Variants in GALNT14 observed in about 807,000 individuals in gnomAD.
GALNT14 encodes the protein UDP-GalNAc:polypeptide N-acetylgalactosaminyltransferase 14.
A neutral mutation model predicts 77.5 loss-of-function variants in GALNT14; 60 were observed. That is an observed-to-expected ratio of 0.77 (90% CI 0.63 to 0.96). The LOEUF is 0.96. Among genes scored for constraint, GALNT14 ranks in the 40% least tolerant of loss-of-function variants. The pLI, the probability that GALNT14 is intolerant of heterozygous loss-of-function variation, is 0.00. For synonymous variants in GALNT14, 280 were observed against 281.7 expected (o/e 0.99, Z 0.06); for missense variants, 710 against 731.0 (o/e 0.97, Z 0.33).
At chr2:31,016,895 A>G (rs1169112613) in intron 1 of GALNT14, among the ~76,000 whole-genome samples, 1 of 152,232 alleles carries the variant, frequency 6.6e-6, no homozygotes, top group African/African-American at 2.4e-5. Flanking sequence ...AGCTTAGGAT[A>G]GTGCCTGGCA....
Position 31,049,052 on chromosome 2 carries a change from C to G in GALNT14, c.130-56045G>C, listed in dbSNP as rs550296649. Among the ~76,000 whole-genome samples the G allele has an allele frequency of 3.3e-5, 5 of 152,330 alleles. No individual in the cohort carries two copies. The South Asian group carries it at 1.0e-3, about 32-fold the overall frequency. On this transcript the variant is annotated intron_variant, in intron 1 of 14. Coordinates refer to ENST00000349752, the MANE Select transcript of GALNT14 (RefSeq NM_024572.4). ...AGAGCATGTTGCCTTCAGAAACCTC[C>G]CTTTCTTGCCTTGCAAGTCCCTCGA...
intron 1 of GALNT14, among the ~76,000 whole-genome samples, chr2:31,030,520 C>T (rs559459909): frequency 5.9e-5 from 9 of 152,302 alleles, no homozygotes; most frequent in African/African-American, 1.7e-4. Flanking sequence ...GACTGTCACG[C>T]ATGGTCTCAG....
intron 1 of GALNT14, among the ~76,000 whole-genome samples, chr2:31,006,588 G>T (rs1242809015): frequency 6.6e-6 from 1 of 152,220 alleles, no homozygotes; most frequent in South Asian, 2.1e-4. Flanking sequence ...TCCCTGCCAT[G>T]ATAGGGGATC....
In GALNT14 at chr2:30,915,053, T is replaced by A. The variant is rs374913566; in HGVS notation, c.1381-2711A>T. Reference sequence around the variant, plus strand: ...CACAAATTAGTATTTCAAAAATGAATCCTGCCATTATCTTACAATCACCAT... The same window carrying A: ...CACAAATTAGTATTTCAAAAATGAAACCTGCCATTATCTTACAATCACCAT... On this transcript the variant is annotated intron_variant, in intron 13 of 14. Coordinates refer to ENST00000349752, the MANE Select transcript of GALNT14 (RefSeq NM_024572.4). Among the ~76,000 whole-genome samples the A allele has an allele frequency of 6.6e-5, 10 of 152,348 alleles. 1 individual carries two copies. Among genetic ancestry groups the A allele is most frequent in the Admixed American group, 6.5e-4 (10 of 15,306 alleles).
intron 1 of GALNT14, among the ~76,000 whole-genome samples, chr2:31,070,212 C>A (rs1462691391): frequency 6.6e-6 from 1 of 152,226 alleles, no homozygotes; most frequent in Non-Finnish European, 1.5e-5. Context: ...ACCATCTACT[C>A]ATTCACAAAG....
At chr2:31,013,183 A>G (rs1671145217) in intron 1 of GALNT14, among the ~76,000 whole-genome samples, 1 of 152,236 alleles carries the variant, frequency 6.6e-6, no homozygotes, top group South Asian at 2.1e-4. Context: ...AATGTATAGA[A>G]AGAGCAAAGG....
intron 14 of GALNT14, 79 bp from the exon 15 acceptor site, chr2:30,911,138 T>C: frequency 7.2e-7 from 1 of 1,388,900 alleles, no homozygotes; most frequent in South Asian, 1.3e-5. Flanking sequence ...GAAAGGTAGG[T>C]GCCTCATGTC....
At chr2:30,993,502 C>T (rs1355314707) in intron 1 of GALNT14, among the ~76,000 whole-genome samples, 2 of 152,202 alleles carry the variant, frequency 1.3e-5, no homozygotes, top group Non-Finnish European at 2.9e-5. Flanking sequence ...GACTGTCATT[C>T]CTCCTCTGCT....
chr2:30,896,292 A>G, the GALNT14 span, among the ~76,000 whole-genome samples: 1 of 152,206 alleles, frequency 6.6e-6, no homozygotes, highest in Non-Finnish European at 1.5e-5. Context: ...TGTTTTCCAC[A>G]AGGGACTTCA....
At chr2:30,951,578 A>G (rs1184851556) in intron 6 of GALNT14, among the ~76,000 whole-genome samples, 2 of 152,364 alleles carry the variant, frequency 1.3e-5, no homozygotes, top group African/African-American at 2.4e-5. Context: ...AAATCATTCA[A>G]TTGCCCACTT....
intron 1 of GALNT14, among the ~76,000 whole-genome samples, chr2:31,011,875 C>T (rs963038893): frequency 1.3e-5 from 2 of 152,190 alleles, no homozygotes; most frequent in African/African-American, 4.8e-5. Flanking sequence ...TCTGGACGTG[C>T]CGCCTGGCTC....
chr2:31,041,639 T>C (rs1673100104), intron 1 of GALNT14, among the ~76,000 whole-genome samples: 1 of 152,116 alleles, frequency 6.6e-6, no homozygotes, highest in African/African-American at 2.4e-5. Context: ...GCATTCATAT[T>C]GTGAACTATA....
intron 1 of GALNT14, among the ~76,000 whole-genome samples, chr2:31,101,465 G>GCTTACCTATTT (rs141057579): frequency 0.073 from 11,073 of 151,824 alleles, 771 homozygotes; most frequent in African/African-American, 0.17. Context: ...TTTCTTTGAA[G>GCTTACCTATTT]AATGTATACC....
chr2:31,079,886 C>A (rs79416200), intron 1 of GALNT14, among the ~76,000 whole-genome samples: 3,343 of 152,248 alleles, frequency 0.022, 52 homozygotes, highest in African/African-American at 0.04. Context: ...GGCACCGGAC[C>A]CTCCTGCTGC....
chr2:31,040,082 C>G (rs1673007929), intron 1 of GALNT14, among the ~76,000 whole-genome samples: 3 of 152,124 alleles, frequency 2.0e-5, no homozygotes, highest in Admixed American at 2.0e-4. Flanking sequence ...CCAAAACTAT[C>G]CACACTTTTT....
chr2:30,974,306 T>C (rs1353440349), intron 2 of GALNT14, among the ~76,000 whole-genome samples: 2 of 152,274 alleles, frequency 1.3e-5, no homozygotes, highest in African/African-American at 2.4e-5. Context: ...CTGTCTTTTC[T>C]AGATTACTGC....
intron 1 of GALNT14, among the ~76,000 whole-genome samples, chr2:31,087,536 A>AGAGG (rs1160670621): frequency 1.4e-4 from 21 of 150,086 alleles, no homozygotes; most frequent in South Asian, 2.1e-4. Flanking sequence ...CGAGGAGAGG[A>AGAGG]AGACCTCTAG....
chr2:30,930,178 AC>A (rs35210658), intron 10 of GALNT14, among the ~76,000 whole-genome samples: 17,596 of 152,134 alleles, frequency 0.12, 1,417 homozygotes, highest in Non-Finnish European at 0.16. Context: ...CAGGAACCCT[AC>A]TGGCATCCCT....
chr2:30,955,469 A>C, intron 6 of GALNT14, 149 bp downstream of exon 6: 1 of 1,041,830 alleles, frequency 9.6e-7, no homozygotes, highest in Non-Finnish European at 1.4e-6. Context: ...GCTCTACCTT[A>C]GTTCCTTCAT....
Sources: allele counts gnomAD v4.1 joint callset (sites outside exome capture counted in the v4.1 genomes callset), GRCh38; gene constraint gnomAD v4.1.1; transcripts MANE v1.5; gene names NCBI Gene and HGNC (gene_info 2026-07-23, HGNC 2026-07-21).